NEO1: variants seen among roughly 807,000 people sequenced by gnomAD.
NEO1 encodes neogenin 1, also known as neogenin.
In NEO1, 63 loss-of-function variants were observed where a neutral mutation model predicts 159.7. The ratio of observed to expected loss-of-function variants is 0.39; its 90% CI spans 0.32 to 0.49. The LOEUF (loss-of-function observed/expected upper bound fraction) is 0.49, where lower values mean the gene tolerates loss of function less well. Ranked by LOEUF, NEO1 falls within the 20% of genes least tolerant of loss-of-function variation. The pLI is 0.85. For missense variants in NEO1, 1,615 were observed against 1,831.0 expected (o/e 0.88, Z 2.15); for synonymous variants, 633 against 662.0 (o/e 0.96, Z 0.67).
intron 15 of NEO1, among the ~76,000 whole-genome samples, 190 bp from the exon 16 acceptor site, chr15:73,266,126 C>A (rs1278012236): frequency 6.6e-6 from 1 of 152,162 alleles, no homozygotes; most frequent in East Asian, 1.9e-4. Context: ...GGAAGTTGGT[C>A]CCAGCCAGTT....
At chr15:73,120,553 G>A (rs2071586643) in intron 2 of NEO1, among the ~76,000 whole-genome samples, 1 of 151,466 alleles carries the variant, frequency 6.6e-6, no homozygotes, top group African/African-American at 2.4e-5. Flanking sequence ...TCTGAGCATA[G>A]CAATCACTTT....
chr15:73,119,020 A>G (rs1020816235), intron 2 of NEO1, among the ~76,000 whole-genome samples: 5 of 151,848 alleles, frequency 3.3e-5, no homozygotes, highest in African/African-American at 4.8e-5. Context: ...TGTGCGCGCA[A>G]TTAAAAGGTA....
chr15:73,179,726 T>C (rs999971874), intron 7 of NEO1, among the ~76,000 whole-genome samples: 2 of 152,228 alleles, frequency 1.3e-5, no homozygotes, highest in African/African-American at 4.8e-5. Context: ...TGATAACTGG[T>C]ACACACTTCA....
Position 73,272,534 on chromosome 15 carries a change from T to C in NEO1, c.2937T>C (p.Pro979=), listed in dbSNP as rs1031299082. ...KPKTIIVNWQ[P]PSEANGKITG... The stretch of plus-strand genomic sequence containing the variant: ...AGACCATAATTGTGAATTGGCAGCC[T>C]CCCTCCGAAGCCAATGGCAAAATTA... The change falls in exon 19 of 29, where the codon CCT becomes CCC. Residue 979 remains proline, a synonymous_variant. Coordinates refer to ENST00000261908, the MANE Select transcript of NEO1 (RefSeq NM_002499.4). 1 of 1,613,434 alleles carries C rather than the reference T, an allele frequency of 6.2e-7. No homozygotes were observed.
At chr15:73,300,077 CA>C (rs1214506059) in intron 27 of NEO1, 2 of 152,294 alleles carry the variant, frequency 1.3e-5, no homozygotes, top group African/African-American at 4.8e-5. Flanking sequence ...AAATATCACA[CA>C]TCGGTCATTT....
At chr15:73,208,817 G>A (rs2037385700) in intron 7 of NEO1, among the ~76,000 whole-genome samples, 1 of 152,112 alleles carries the variant, frequency 6.6e-6, no homozygotes, top group African/African-American at 2.4e-5. Context: ...AGCTGTGATT[G>A]CACCACTGCA....
intron 7 of NEO1, among the ~76,000 whole-genome samples, chr15:73,220,923 A>C (rs531634758): frequency 6.2e-4 from 95 of 152,126 alleles, no homozygotes; most frequent in African/African-American, 2.3e-3. Flanking sequence ...TCTTCTCTCA[A>C]CTCATCAAAG....
At chr15:73,069,306 G>A (rs2068412997) in intron 1 of NEO1, among the ~76,000 whole-genome samples, 2 of 151,900 alleles carry the variant, frequency 1.3e-5, no homozygotes, top group Admixed American at 1.3e-4. Context: ...ATGATTGCCA[G>A]CTGCGTTTTG....
At chr15:73,195,008 A>G (rs898702640) in intron 7 of NEO1, among the ~76,000 whole-genome samples, 5 of 152,180 alleles carry the variant, frequency 3.3e-5, no homozygotes, top group Non-Finnish European at 5.9e-5. Context: ...AATTTGTTTG[A>G]TGTTGAACAT....
At chr15:73,291,047 C>T (rs1365085014) in intron 25 of NEO1, among the ~76,000 whole-genome samples, 1 of 152,108 alleles carries the variant, frequency 6.6e-6, no homozygotes, top group African/African-American at 2.4e-5. Flanking sequence ...TGCTTGTGGT[C>T]CTTGATGGAA....
intron 16 of NEO1, 129 bp from the exon 17 acceptor site, chr15:73,269,881 A>G (rs2041093793): frequency 1.3e-6 from 1 of 756,744 alleles, no homozygotes; most frequent in South Asian, 1.7e-5. Context: ...TTATCTATTA[A>G]CTCTGAATTT....
At chr15:73,068,223 A>ACCCCCCCCCC (rs1555421033) in intron 1 of NEO1, among the ~76,000 whole-genome samples, 86 of 82,998 alleles carry the variant, frequency 1.0e-3, no homozygotes, top group South Asian at 2.1e-3. Context: ...TTGTCCCCCT[A>ACCCCCCCCCC]CCCCCCCCCC....
intron 13 of NEO1, 91 bp downstream of exon 13, chr15:73,254,920 T>G: frequency 7.4e-7 from 1 of 1,348,180 alleles, no homozygotes; most frequent in Non-Finnish European, 1.0e-6. Flanking sequence ...AACTGTCGAC[T>G]TATACAAACA....
chr15:73,273,691 G>A, intron 19 of NEO1, 120 bp from the exon 20 acceptor site: 3 of 729,346 alleles, frequency 4.1e-6, no homozygotes, highest in Non-Finnish European at 6.6e-6. Flanking sequence ...ACCCTTGAGG[G>A]TACATTATTC....
intron 1 of NEO1, among the ~76,000 whole-genome samples, chr15:73,084,256 A>G (rs2069229983): frequency 6.6e-6 from 1 of 152,136 alleles, no homozygotes; most frequent in Non-Finnish European, 1.5e-5. Flanking sequence ...TCTTGAACTT[A>G]TTCCTCCTAT....
intron 5 of NEO1, among the ~76,000 whole-genome samples, chr15:73,136,461 G>C (rs531771807): frequency 1.1e-4 from 17 of 152,182 alleles, no homozygotes; most frequent in Admixed American, 1.1e-3. Context: ...GTCTCAGGAT[G>C]TTTTCTGATG....
At chr15:73,105,834 G>A (rs1342002158) in intron 1 of NEO1, among the ~76,000 whole-genome samples, 1 of 152,130 alleles carries the variant, frequency 6.6e-6, no homozygotes, top group Non-Finnish European at 1.5e-5. Flanking sequence ...TATGAAGCCA[G>A]GTTGTCCCAC....
intron 5 of NEO1, among the ~76,000 whole-genome samples, chr15:73,147,398 C>T (rs1426588527): frequency 6.6e-5 from 10 of 152,154 alleles, no homozygotes; most frequent in Admixed American, 3.3e-4. Context: ...TCCATGCCAC[C>T]AGCCATCCAT....
intron 1 of NEO1, among the ~76,000 whole-genome samples, chr15:73,083,309 T>C (rs2069171361): frequency 6.6e-6 from 1 of 152,018 alleles, no homozygotes; most frequent in Non-Finnish European, 1.5e-5. Flanking sequence ...ATTTCAAATA[T>C]ATTTGAGGTA....
Sources: gnomAD v4.1 joint callset for allele counts (sites outside exome capture counted in the v4.1 genomes callset) on GRCh38, gnomAD v4.1.1 for gene constraint, MANE v1.5 for transcripts, NCBI Gene and HGNC (gene_info 2026-07-23, HGNC 2026-07-21) for gene names.